Variants in PRH1 observed in about 807,000 individuals in gnomAD.
PRH1 encodes proline rich protein HaeIII subfamily 1.
In PRH1, 7 loss-of-function variants were observed where a neutral mutation model predicts 7.9. The ratio of observed to expected loss-of-function variants is 0.89; its 90% confidence interval spans 0.50 to 1.67. PRH1 has a LOEUF of 1.67. Ranked by LOEUF, PRH1 falls within the 40% of genes most tolerant of loss-of-function variation. PRH1 has a pLI of 0.00. For missense variants in PRH1, 109 were observed against 223.6 expected, an observed-to-expected ratio of 0.49 and a Z score of 3.27; for synonymous variants, 45 against 80.8, an observed-to-expected ratio of 0.56 and a Z score of 2.38.
chr12:10,975,949 T>G (rs1436590134), intron 1 of PRH1, among the ~76,000 whole-genome samples: 1 of 152,024 alleles, frequency 6.6e-6, no homozygotes, highest in Non-Finnish European at 1.5e-5. Flanking sequence ...ATGAAAAGAC[T>G]TAGATAAACA....
chr12:11,005,046 A>G (rs2136027796), intron 1 of PRH1, among the ~76,000 whole-genome samples: 1 of 152,228 alleles, frequency 6.6e-6, no homozygotes, highest in South Asian at 2.1e-4. Flanking sequence ...ATTAAATTCT[A>G]TGTGCACCTG....
intron 2 of PRH1, among the ~76,000 whole-genome samples, chr12:10,962,598 T>C (rs1196160833): frequency 6.6e-6 from 1 of 152,252 alleles, no homozygotes; most frequent in African/African-American, 2.4e-5. Flanking sequence ...TTCATGCAAC[T>C]GTAGATTTTG....
chr12:10,888,065 C>T (rs1949520104), upstream of PRH1, among the ~76,000 whole-genome samples: 1 of 152,120 alleles, frequency 6.6e-6, no homozygotes, highest in Non-Finnish European at 1.5e-5. Context: ...GAGAAGCACC[C>T]ATTTTTTGTC....
chr12:11,054,796 T>C (rs959495476), intron 1 of PRH1, among the ~76,000 whole-genome samples: 5 of 10,966 alleles, frequency 4.6e-4, no homozygotes, highest in Middle Eastern at 0.056. Context: ...CTGATGTTTC[T>C]TTTTTTTTTT....
intron 1 of PRH1, among the ~76,000 whole-genome samples, chr12:11,074,862 C>T (rs71453424): frequency 0.37 from 41,502 of 111,586 alleles, 9,278 homozygotes; most frequent in Non-Finnish European, 0.47. Flanking sequence ...CTAATATTTG[C>T]TGTGGTTTCC....
intron 1 of PRH1, among the ~76,000 whole-genome samples, chr12:11,044,247 G>T (rs1031660648): frequency 6.6e-6 from 1 of 152,150 alleles, no homozygotes; most frequent in Non-Finnish European, 1.5e-5. Context: ...CTATGCAGAA[G>T]AATGAAACTA....
At chr12:11,039,411 G>C (rs76096653) in intron 1 of PRH1, among the ~76,000 whole-genome samples, 3,971 of 152,288 alleles carry the variant, frequency 0.026, 172 homozygotes, top group African/African-American at 0.089. Flanking sequence ...ATTAACTCTT[G>C]TTCAAACACA....
intron 1 of PRH1, chr12:11,133,478 T>C (rs750814862): frequency 6.2e-7 from 1 of 1,613,972 alleles, no homozygotes; most frequent in African/African-American, 1.3e-5. Flanking sequence ...AGGTTGCTTT[T>C]CCAGCCTCCC....
rs71434172 is a variant in PRH1, at chr12:11,128,110, CAAAA to C, written n.40-6934_40-6931del. 6.0e-5 allele frequency among the ~76,000 whole-genome samples: 6 copies of C among 100,568 alleles called. 1 individual carries two copies. The highest frequency in any genetic ancestry group is 3.5e-4 in the East Asian group (1 of 2,878). 66.0% of individuals were successfully genotyped at this position (100,568 alleles called of 152,430 possible). A position where few individuals can be genotyped will look rare whatever the true frequency, so the allele number is the denominator to read the frequency against. On this transcript the variant is annotated intron_variant and non_coding_transcript_variant, in intron 1 of 1. Coordinates refer to the PRH1 transcript ENST00000541175. ...TGGGCGACAGAGCGAGACTCAGTCT[CAAAA>C]AAAAAAAAAAGAAAAAGAAAAAGAA... is the stretch of plus-strand genomic sequence containing the variant.
At chr12:10,965,303 A>G in intron 2 of PRH1, 1 of 1,362,738 alleles carries the variant, frequency 7.3e-7, no homozygotes. Context: ...CCCAAGAACA[A>G]ATGTAACCAC....
chr12:11,037,880 A>AAC (rs1942506923), intron 1 of PRH1, among the ~76,000 whole-genome samples: 1 of 152,302 alleles, frequency 6.6e-6, no homozygotes, highest in East Asian at 1.9e-4. Flanking sequence ...CCTCTAAAAA[A>AAC]AAATAGAAAA....
intron 1 of PRH1, among the ~76,000 whole-genome samples, chr12:11,023,059 A>T (rs1164231367): frequency 6.6e-6 from 1 of 152,188 alleles, no homozygotes; most frequent in African/African-American, 2.4e-5. Flanking sequence ...CATAACTAGG[A>T]TCATACCAAT....
chr12:11,088,107 G>A (rs538528913), intron 1 of PRH1, among the ~76,000 whole-genome samples: 3 of 132,458 alleles, frequency 2.3e-5, no homozygotes, highest in South Asian at 2.2e-4. Flanking sequence ...TTAGGAGGCC[G>A]ACACGGGAAG....
intron 1 of PRH1, among the ~76,000 whole-genome samples, chr12:11,042,305 T>C (rs1013859976): frequency 6.6e-6 from 1 of 151,688 alleles, no homozygotes; most frequent in East Asian, 1.9e-4. Context: ...CAACAGAAAT[T>C]CAAAGAAATA....
chr12:11,077,350 G>T, intron 1 of PRH1: 1 of 366,202 alleles, frequency 2.7e-6, no homozygotes. Flanking sequence ...CACTAAGCAT[G>T]TGACCTGACA....
intron 1 of PRH1, among the ~76,000 whole-genome samples, chr12:11,167,187 C>T (rs1947606182): frequency 6.6e-6 from 1 of 152,176 alleles, no homozygotes; most frequent in African/African-American, 2.4e-5. Context: ...AAGGAACTTT[C>T]CTAGGTTTCC....
chr12:10,939,237 T>C, intron 2 of PRH1: 1 of 1,335,650 alleles, frequency 7.5e-7, no homozygotes, highest in Admixed American at 2.2e-5. Flanking sequence ...CAATGTCTAA[T>C]ATCACTGCTG....
intron 1 of PRH1, among the ~76,000 whole-genome samples, chr12:11,165,133 C>A (rs1424445267): frequency 2.6e-5 from 4 of 152,082 alleles, no homozygotes; most frequent in African/African-American, 9.7e-5. Flanking sequence ...GTTCTCATTT[C>A]TCTTAAGAAT....
chr12:10,883,314 C>G (rs1469261141), intron 1 of PRH1, among the ~76,000 whole-genome samples: 1 of 152,032 alleles, frequency 6.6e-6, no homozygotes, highest in Non-Finnish European at 1.5e-5. Context: ...ATAGAAGGGC[C>G]CCTGTTTGTC....
Sources: gnomAD v4.1 joint callset for allele counts (sites outside exome capture counted in the v4.1 genomes callset) on GRCh38, gnomAD v4.1.1 for gene constraint, MANE v1.5 for transcripts, NCBI Gene and HGNC (gene_info 2026-07-23, HGNC 2026-07-21) for gene names.